The following ADGRL2 variants were observed in gnomAD, a reference collection of about 807,000 sequenced individuals.
The protein encoded by ADGRL2 is adhesion G protein-coupled receptor L2, also known as calcium-independent alpha-latrotoxin receptor 2.
ADGRL2 carries 44 observed loss-of-function variants against 157.4 expected under a neutral mutation model. The ratio of observed to expected loss-of-function variants is 0.28; its 90% CI spans 0.22 to 0.36. The LOEUF (loss-of-function observed/expected upper bound fraction) is 0.36, where lower values mean the gene tolerates loss of function less well. Among genes scored for constraint, ADGRL2 ranks in the 10% least tolerant of loss-of-function variants. ADGRL2 has a pLI of 1.00. For missense variants in ADGRL2, 1,510 were observed against 1,768.9 expected, an observed-to-expected ratio of 0.85 and a Z score of 2.63; for synonymous variants, 585 against 624.7, an observed-to-expected ratio of 0.94 and a Z score of 0.95.
At chr1:81,780,613 G>A (rs911706210) in intron 2 of ADGRL2, among the ~76,000 whole-genome samples, 10 of 152,044 alleles carry the variant, frequency 6.6e-5, no homozygotes, top group Admixed American at 1.3e-4. Flanking sequence ...CGTTAATAGC[G>A]CAAAGATTTA....
chr1:81,664,548 T>C (rs2148892657), intron 3 of ADGRL2, among the ~76,000 whole-genome samples: 2 of 152,284 alleles, frequency 1.3e-5, no homozygotes, highest in Middle Eastern at 6.8e-3. Context: ...TGAATCAAAT[T>C]CTTTCAGTTC....
intron 3 of ADGRL2, among the ~76,000 whole-genome samples, chr1:81,673,630 T>A (rs1348205689): frequency 6.7e-6 from 1 of 149,372 alleles, no homozygotes; most frequent in African/African-American, 2.5e-5. Flanking sequence ...TTCTCCTGCC[T>A]CAGCCTCCCA....
At chr1:81,980,347 C>T (rs1244926625) in intron 18 of ADGRL2, among the ~76,000 whole-genome samples, 1 of 151,680 alleles carries the variant, frequency 6.6e-6, no homozygotes. Flanking sequence ...TCCTGTTTTC[C>T]TAAGAGAATT....
intron 4 of ADGRL2, 128 bp downstream of exon 4, chr1:81,936,965 A>G (rs2148864687): frequency 1.7e-6 from 1 of 572,680 alleles, no homozygotes; most frequent in African/African-American, 1.9e-5. Context: ...GCACTAACAG[A>G]CTTGGGCCTC....
chr1:81,820,792 A>G (rs2090914715), intron 1 of ADGRL2, among the ~76,000 whole-genome samples: 1 of 151,980 alleles, frequency 6.6e-6, no homozygotes, highest in Non-Finnish European at 1.5e-5. Flanking sequence ...CTGGGCAATT[A>G]TGTAAAAAAG....
At chr1:81,435,150 A>G (rs1228289281) in intron 1 of ADGRL2, among the ~76,000 whole-genome samples, 1 of 152,338 alleles carries the variant, frequency 6.6e-6, no homozygotes, top group Admixed American at 6.5e-5. Context: ...AAAAAATATT[A>G]AAATAAAATT....
chr1:81,993,059 A>G lies in ADGRL2; in HGVS notation c.*1914A>G, dbSNP rs1162299735. 4.3e-5 allele frequency among the ~76,000 whole-genome samples: 1 copy of G among 23,392 alleles called. No individual in the cohort carries two copies. Among genetic ancestry groups the G allele is most frequent in the Non-Finnish European group, 6.4e-5 (1 of 15,594 alleles). The allele number at this position is 23,392 out of a possible 152,430, so 15.3% of individuals were successfully genotyped here. On this transcript the variant is annotated 3_prime_UTR_variant, in exon 24 of 24. Transcript: ENST00000686636. ...AATTAAGTGCATATATATAATATAC[A>G]TATATATATATATATATATATATAT...
intron 10 of ADGRL2, among the ~76,000 whole-genome samples, chr1:81,953,641 C>T (rs949314461): frequency 7.2e-5 from 11 of 152,254 alleles, no homozygotes; most frequent in East Asian, 5.8e-4. Context: ...CCACTCCAGC[C>T]GGGTTTTCTC....
At chr1:81,401,132 C>T (rs1041082746) in intron 1 of ADGRL2, among the ~76,000 whole-genome samples, 2 of 152,142 alleles carry the variant, frequency 1.3e-5, no homozygotes, top group African/African-American at 4.8e-5. Flanking sequence ...CGTGTCAGGG[C>T]AGTGTTTCAG....
intron 3 of ADGRL2, among the ~76,000 whole-genome samples, chr1:81,585,776 T>G (rs919145357): frequency 1.3e-5 from 2 of 152,060 alleles, no homozygotes; most frequent in African/African-American, 4.8e-5. Context: ...GCACGGTCTT[T>G]TAATTAACAG....
chr1:81,459,887 C>T (rs2077890272), intron 2 of ADGRL2, among the ~76,000 whole-genome samples: 1 of 151,620 alleles, frequency 6.6e-6, no homozygotes, highest in African/African-American at 2.4e-5. Context: ...TGTGGTGGCT[C>T]TATTTTTAAT....
At chr1:81,781,887 T>A (rs936049925) in intron 2 of ADGRL2, among the ~76,000 whole-genome samples, 1 of 152,188 alleles carries the variant, frequency 6.6e-6, no homozygotes, top group African/African-American at 2.4e-5. Flanking sequence ...TGCAAGGAAA[T>A]GTTTGCACAT....
intron 2 of ADGRL2, among the ~76,000 whole-genome samples, chr1:81,525,004 C>T (rs890236559): frequency 4.6e-5 from 7 of 152,146 alleles, no homozygotes; most frequent in African/African-American, 1.7e-4. Flanking sequence ...CAGGGAAGAA[C>T]ATTGGGTGGT....
At chr1:81,355,656 A>G (rs1396189677) in intron 1 of ADGRL2, among the ~76,000 whole-genome samples, 1 of 151,418 alleles carries the variant, frequency 6.6e-6, no homozygotes, top group African/African-American at 2.4e-5. Context: ...CAAGAAGTGT[A>G]CTACAGAGGC....
chr1:81,516,013 TC>T (rs1489256060), intron 2 of ADGRL2, among the ~76,000 whole-genome samples: 1 of 152,222 alleles, frequency 6.6e-6, no homozygotes, highest in Non-Finnish European at 1.5e-5. Flanking sequence ...ATCAAAATAT[TC>T]AAATATAATT....
At chr1:81,430,636 T>C (rs754133159) in intron 1 of ADGRL2, among the ~76,000 whole-genome samples, 1 of 152,178 alleles carries the variant, frequency 6.6e-6, no homozygotes, top group Non-Finnish European at 1.5e-5. Flanking sequence ...GATGTTAACA[T>C]GTCCTTTCTT....
At chr1:81,555,456 A>C (rs1380251785) in intron 2 of ADGRL2, among the ~76,000 whole-genome samples, 1 of 151,900 alleles carries the variant, frequency 6.6e-6, no homozygotes, top group East Asian at 1.9e-4. Flanking sequence ...TTTAGTAGAG[A>C]TGGTGTTTCA....
At chr1:81,887,682 A>G (rs1397856096) in intron 2 of ADGRL2, among the ~76,000 whole-genome samples, 1 of 152,186 alleles carries the variant, frequency 6.6e-6, no homozygotes, top group Non-Finnish European at 1.5e-5. Flanking sequence ...GCATTATATC[A>G]TTATGTTATT....
intron 2 of ADGRL2, among the ~76,000 whole-genome samples, chr1:81,458,614 C>T (rs1457785686): frequency 1.3e-5 from 2 of 152,206 alleles, no homozygotes; most frequent in Non-Finnish European, 2.9e-5. Flanking sequence ...GATCCCGTGC[C>T]TGCCATGGCT....
Sources: allele counts gnomAD v4.1 joint callset (sites outside exome capture counted in the v4.1 genomes callset), GRCh38; gene constraint gnomAD v4.1.1; transcripts MANE v1.5; gene names NCBI Gene and HGNC (gene_info 2026-07-23, HGNC 2026-07-21).